The following TAB1 variants were observed in gnomAD, a reference collection of about 807,000 sequenced individuals.
TAB1 encodes the protein TGF-beta-activated kinase 1 and MAP3K7-binding protein 1.
Under a neutral mutation model 54.5 loss-of-function variants are expected in TAB1, and 30 were observed. That is an observed-to-expected ratio of 0.55 (90% confidence interval 0.41 to 0.75). The LOEUF is 0.75. Ranked by LOEUF, TAB1 falls within the 30% of genes least tolerant of loss-of-function variation. The probability of loss-of-function intolerance (pLI) is 0.00; values close to 1 mark genes in which losing one functional copy is unlikely to be tolerated. For missense variants in TAB1, 609 were observed against 683.2 expected, an observed-to-expected ratio of 0.89 and a Z score of 1.21; for synonymous variants, 289 against 286.9, an observed-to-expected ratio of 1.01 and a Z score of -0.07.
chr22:39,417,260 C>T (rs1050391413), intron 4 of TAB1, among the ~76,000 whole-genome samples: 10 of 152,230 alleles, frequency 6.6e-5, no homozygotes, highest in Non-Finnish European at 1.5e-4. Flanking sequence ...GTAGCGAAGG[C>T]TTCATCTTGG....
chr22:39,417,755 T>G lies in TAB1; in HGVS notation c.456T>G (p.Leu152=). Residue 152 remains leucine (L), a synonymous_variant, in exon 5 of 11, where the codon CTT becomes CTG. Transcript: ENST00000216160. ...HQLPPQYQKI[L]ERLKTLEREI... ...TGCCTCCTCAGTATCAGAAGATCCT[T>G]GAGAGACTCAAGACGTTAGAGAGGG... The G allele has an allele frequency of 6.2e-7, 1 of 1,613,092 alleles. No homozygotes were observed. The highest frequency in any genetic ancestry group is 8.5e-7 in the Non-Finnish European group (1 of 1,179,574).
rs1445060771 is a variant in TAB1 at position 39,430,430 on chromosome 22, A to G, written c.*208A>G. 7 of 1,427,650 alleles carry G rather than the reference A, an allele frequency of 4.9e-6. No individual in the cohort carries two copies. In the East Asian group the frequency reaches 1.8e-4, roughly 36 times the overall value. The allele number at this position is 1,427,650 out of a possible 1,614,324, so 88.4% of individuals were successfully genotyped here. A position where few individuals can be genotyped will look rare whatever the true frequency, so the allele number is the denominator to read the frequency against. ...ACCTTGTCACCACCCGGGAAGCTGAAGGCCACTTCCTCCCAGATGGCCTCA... is the reference window on the plus strand; with the variant it reads ...ACCTTGTCACCACCCGGGAAGCTGAGGGCCACTTCCTCCCAGATGGCCTCA... On this transcript the variant is annotated 3_prime_UTR_variant, in exon 11 of 11. Coordinates refer to ENST00000216160, the MANE Select transcript of TAB1 (RefSeq NM_006116.3).
At chr22:39,427,895 G>C in intron 9 of TAB1, 126 bp from the exon 10 acceptor site, 2 of 945,974 alleles carry the variant, frequency 2.1e-6, no homozygotes, top group Non-Finnish European at 3.0e-6. Context: ...TGGGGAGCCA[G>C]GCATGGCCGC....
Position 39,415,212 on chromosome 22 carries a change from C to A in TAB1, c.170+70C>A. 1 of 1,507,332 alleles carries A rather than the reference C, an allele frequency of 6.6e-7. No homozygotes were observed. The highest frequency in any genetic ancestry group is 8.9e-7 in the Non-Finnish European group (1 of 1,121,816). The allele number at this position is 1,507,332 out of a possible 1,614,324, so 93.4% of individuals were successfully genotyped here. A position where few individuals can be genotyped will look rare whatever the true frequency, so the allele number is the denominator to read the frequency against. On this transcript the variant is annotated intron_variant, in intron 2 of 10. Coordinates refer to ENST00000216160, the MANE Select transcript of TAB1 (RefSeq NM_006116.3). The surrounding 1 kb of genome is among the most constrained non-coding windows in gnomAD (Gnocchi z 4.9). The stretch of plus-strand genomic sequence containing the variant: ...GTTTGCAAGCAAGGAAAGACACCGA[C>A]CTTGCAGCTTTCTCGTATGGGCTTG...
chr22:39,434,344 TCAGAG>T (rs577090041), downstream of TAB1, among the ~76,000 whole-genome samples: 39 of 152,368 alleles, frequency 2.6e-4, 1 homozygote, highest in East Asian at 6.6e-3. Flanking sequence ...TGCAGCCTCA[TCAGAG>T]CCTAGCTCTT....
At chr22:39,421,407 A>T (rs1233434819) in intron 7 of TAB1, among the ~76,000 whole-genome samples, 1 of 152,104 alleles carries the variant, frequency 6.6e-6, no homozygotes, top group East Asian at 1.9e-4. Flanking sequence ...TCACTAAAGG[A>T]TCCCTGTACA....
At chr22:39,435,465 T>C (rs1927748103), downstream of TAB1, among the ~76,000 whole-genome samples, 1 of 152,152 alleles carries the variant, frequency 6.6e-6, no homozygotes, top group Non-Finnish European at 1.5e-5. Context: ...ACCCAGCCCC[T>C]GAAGGGCAGC....
intron 1 of TAB1, among the ~76,000 whole-genome samples, chr22:39,406,889 T>A (rs1463915992): frequency 1.3e-5 from 2 of 152,184 alleles, no homozygotes; most frequent in East Asian, 1.9e-4. Flanking sequence ...CGCCTTGGCC[T>A]CCCAAAGTGC....
At chr22:39,436,680 G>A (rs965852934), downstream of TAB1, 96 of 888,412 alleles carry the variant, frequency 1.1e-4, no homozygotes, top group Middle Eastern at 3.0e-4. Flanking sequence ...GCCAGGCCCC[G>A]CCCCCTCCCC....
intron 1 of TAB1, among the ~76,000 whole-genome samples, chr22:39,405,952 G>A (rs1418970029): frequency 6.6e-6 from 1 of 152,174 alleles, no homozygotes; most frequent in Non-Finnish European, 1.5e-5. Context: ...CTGCCCATGT[G>A]TCATTGGATC....
At chr22:39,427,886 G>C in intron 9 of TAB1, 135 bp from the exon 10 acceptor site, 1 of 825,248 alleles carries the variant, frequency 1.2e-6, no homozygotes, top group Non-Finnish European at 1.8e-6. Context: ...CACTGGGCTT[G>C]GGGAGCCAGG....
At chr22:39,407,702 G>A (rs1385342453) in intron 1 of TAB1, among the ~76,000 whole-genome samples, 1 of 152,134 alleles carries the variant, frequency 6.6e-6, no homozygotes, top group Non-Finnish European at 1.5e-5. Context: ...AGCCAGGATG[G>A]TCTCGATCTC....
chr22:39,418,697 G>A (rs1412068096), intron 5 of TAB1, 35 bp from the exon 6 acceptor site: 26 of 1,459,278 alleles, frequency 1.8e-5, no homozygotes, highest in Admixed American at 1.3e-4. Context: ...CTCTCTGTGT[G>A]TAGTCTTTGC....
chr22:39,430,114 G>A lies in TAB1; in HGVS notation c.1407G>A (p.Ser469=), dbSNP rs761256053. The A allele has an allele frequency of 4.3e-6, 7 of 1,613,852 alleles. No individual in the cohort carries two copies. The highest frequency in any genetic ancestry group is 1.6e-4 in the Middle Eastern group (1 of 6,082). ...TCTTCCGCTCCCGGCCCGCCCACTC[G>A]CTCCCGCCTGGCGAGGACGGTCGTG... ...GGLFRSRPAH[S]LPPGEDGRVE... Residue 469 remains serine (S), a synonymous_variant, in exon 11 of 11, where the codon TCG becomes TCA. Transcript: ENST00000216160.
At position 39,430,182 on chromosome 22, in the gene TAB1, G is replaced by A. The variant is rs1319982517; in HGVS notation, c.1475G>A (p.Ser492Asn). ...TTTGCTGAGTTTTACCGCCTCTGGA[G>A]CGTGGACCATGGCGAGCAGAGCGTG... ...VDFAEFYRLW[S>N]VDHGEQSVVT... Residue 492 changes from serine (S) to asparagine (N), a missense_variant, in exon 11 of 11, where the codon AGC becomes AAC. Physicochemically the swap from Ser to Asn is conservative, Grantham distance 46. Coordinates refer to ENST00000216160, the MANE Select transcript of TAB1 (RefSeq NM_006116.3). 6.2e-7 allele frequency: 1 copy of A among 1,613,572 alleles called. No individual in the cohort carries two copies. The highest frequency in any genetic ancestry group is 1.3e-5 in the African/African-American group (1 of 74,944).
chr22:39,430,652 A>AT lies in TAB1; in HGVS notation c.*430_*431insT. 9.5e-7 allele frequency: 1 copy of AT among 1,050,538 alleles called. No homozygotes were observed. The highest frequency in any genetic ancestry group is 3.0e-5 in the South Asian group (1 of 32,876). The allele number at this position is 1,050,538 out of a possible 1,614,324, so 65.1% of individuals were successfully genotyped here. On this transcript the variant is annotated 3_prime_UTR_variant, in exon 11 of 11. Coordinates refer to ENST00000216160, the MANE Select transcript of TAB1 (RefSeq NM_006116.3). Reference sequence around the variant, plus strand: ...CCACCATCACCTCCCTCACCTCGGGACAGTAGCCCTCCACTTCTCCAGCCT... The same window carrying AT: ...CCACCATCACCTCCCTCACCTCGGGATCAGTAGCCCTCCACTTCTCCAGCCT...
At chr22:39,428,654 G>A (rs898852321) in intron 10 of TAB1, among the ~76,000 whole-genome samples, 1 of 152,172 alleles carries the variant, frequency 6.6e-6, no homozygotes, top group African/African-American at 2.4e-5. Context: ...CCCTCCAGCC[G>A]CAGACCTGCC....
At chr22:39,428,517 C>T (rs1007646782) in intron 10 of TAB1, among the ~76,000 whole-genome samples, 2 of 152,198 alleles carry the variant, frequency 1.3e-5, no homozygotes, top group African/African-American at 2.4e-5. Flanking sequence ...ATTGTCTGGC[C>T]TGTACTGGCT....
chr22:39,418,820 T>A lies in TAB1; in HGVS notation c.639T>A (p.Asp213Glu). 3 of 1,613,854 alleles carry A rather than the reference T, an allele frequency of 1.9e-6. No individual in the cohort carries two copies. The highest frequency in any genetic ancestry group is 1.7e-6 in the Non-Finnish European group (2 of 1,179,856). ...TGGACCACACCACAGAGAACGAGGATGAGCTCTTCCGTCTTTCGCAGCTGG... is the reference window on the plus strand; with the variant it reads ...TGGACCACACCACAGAGAACGAGGAAGAGCTCTTCCGTCTTTCGCAGCTGG... ...LNVDHTTENEDELFRLSQLGL... is the reference protein window; with the variant it reads ...LNVDHTTENEEELFRLSQLGL... Residue 213 changes from aspartate (D) to glutamate (E), a missense_variant, in exon 6 of 11, where the codon GAT becomes GAA. Physicochemically the swap from Asp to Glu is conservative, Grantham distance 45. Coordinates refer to ENST00000216160, the MANE Select transcript of TAB1 (RefSeq NM_006116.3).
Sources: allele counts gnomAD v4.1 joint callset (sites outside exome capture counted in the v4.1 genomes callset), GRCh38; gene constraint gnomAD v4.1.1; non-coding constraint Gnocchi (gnomAD v3.1); transcripts MANE v1.5; gene names NCBI Gene and HGNC (gene_info 2026-07-23, HGNC 2026-07-21).